Variants in BTBD16 observed in about 807,000 individuals in gnomAD.
BTBD16 encodes the protein BTB/POZ domain-containing protein 16.
Under a neutral mutation model 67.4 loss-of-function variants are expected in BTBD16, and 66 were observed. That is an observed-to-expected ratio of 0.98 (90% CI 0.80 to 1.20). The LOEUF is 1.20. Among genes scored for constraint, BTBD16 ranks in the 50% most tolerant of loss-of-function variants. The pLI is 0.00. For missense variants in BTBD16, 634 were observed against 616.0 expected, an observed-to-expected ratio of 1.03 and a Z score of -0.31; for synonymous variants, 242 against 236.4, an observed-to-expected ratio of 1.02 and a Z score of -0.22.
intron 10 of BTBD16, among the ~76,000 whole-genome samples, chr10:122,309,373 T>C (rs1397603613): frequency 6.6e-6 from 1 of 150,838 alleles, no homozygotes; most frequent in African/African-American, 2.4e-5. Context: ...TGAGAAAGAG[T>C]CTCGCTCTGT....
chr10:122,295,189 TAGA>T (rs1370029861), intron 7 of BTBD16: 27 of 484,540 alleles, frequency 5.6e-5, no homozygotes, highest in Non-Finnish European at 6.7e-5. Context: ...AGGAACCAGG[TAGA>T]AGAAGGAAGG....
chr10:122,273,456 G>C (rs1424291633), intron 1 of BTBD16, among the ~76,000 whole-genome samples: 1 of 152,054 alleles, frequency 6.6e-6, no homozygotes, highest in Non-Finnish European at 1.5e-5. Flanking sequence ...GAAATATTAT[G>C]CGGCCAGAAA....
intron 10 of BTBD16, among the ~76,000 whole-genome samples, chr10:122,325,729 G>T (rs761462912): frequency 1.3e-5 from 2 of 151,516 alleles, no homozygotes; most frequent in African/African-American, 4.9e-5. Flanking sequence ...AGGCTGGAGT[G>T]CAGTAGCATG....
At chr10:122,314,321 T>C (rs929198846) in intron 10 of BTBD16, among the ~76,000 whole-genome samples, 4 of 152,074 alleles carry the variant, frequency 2.6e-5, no homozygotes, top group African/African-American at 4.8e-5. Flanking sequence ...CTGGGCAACA[T>C]AGTGGGACCT....
intron 7 of BTBD16, among the ~76,000 whole-genome samples, chr10:122,296,041 T>C (rs1260400404): frequency 6.6e-6 from 1 of 152,022 alleles, no homozygotes. Context: ...TTTCCTAAGA[T>C]AGGCCATACA....
At chr10:122,279,546 A>ACACACAC (rs10676660) in intron 3 of BTBD16, among the ~76,000 whole-genome samples, 3 of 150,446 alleles carry the variant, frequency 2.0e-5, no homozygotes. Context: ...ACACACACAC[A>ACACACAC]TCTTTTCTTT....
rs1347338300 is a variant in BTBD16 at position 122,334,886 on chromosome 10, T to G, written c.1170T>G (p.Asn390Lys). The change falls in exon 14 of 16, where the codon AAT (asparagine) becomes AAG (lysine). Residue 390 changes from asparagine (N) to lysine (K), a missense_variant. Asn to Lys is a moderately conservative substitution (Grantham distance 94, BLOSUM62 0). Transcript: ENST00000260723. The stretch of plus-strand genomic sequence containing the variant: ...GTTTCTCTTTCCCAATTTAGGAGAA[T>G]ACAACTTATTCGAAAACGATTGCTC... ...VRFGLLFNQE[N>K]TTYSKTIALY... 1 of 1,545,784 alleles carries G rather than the reference T, an allele frequency of 6.5e-7. No homozygotes were observed. The highest frequency in any genetic ancestry group is 8.9e-7 in the Non-Finnish European group (1 of 1,121,904).
chr10:122,274,522 G>T (rs1377555178), intron 1 of BTBD16, among the ~76,000 whole-genome samples: 1 of 152,054 alleles, frequency 6.6e-6, no homozygotes, highest in Admixed American at 6.6e-5. Flanking sequence ...AATCAAATGG[G>T]TTTCTGTTGC....
intron 9 of BTBD16, among the ~76,000 whole-genome samples, chr10:122,305,716 T>G (rs2096402564): frequency 6.6e-6 from 1 of 152,172 alleles, no homozygotes; most frequent in East Asian, 1.9e-4. Flanking sequence ...CTATACATAG[T>G]TTTTCAATCC....
intron 1 of BTBD16, among the ~76,000 whole-genome samples, chr10:122,274,564 G>C (rs1349626612): frequency 1.3e-5 from 2 of 152,200 alleles, no homozygotes; most frequent in Non-Finnish European, 2.9e-5. Flanking sequence ...AATGTTCAGA[G>C]ATAACTGGAA....
In BTBD16 at chr10:122,275,101, T is replaced by A. The variant is rs201539893; in HGVS notation, c.18+2T>A. 3 of 1,613,624 alleles carry A rather than the reference T, an allele frequency of 1.9e-6. No homozygotes were observed. In the African/African-American group the frequency reaches 4.0e-5, roughly 22 times the overall value. On this transcript the variant is annotated splice_donor_variant, in intron 2 of 15. Transcript: ENST00000260723. LOFTEE classifies it high-confidence loss of function. ...TCATTCATGATAATGTCGAACACGG[T>A]GAGTAGATCAGTTTCTCAAGAAGGT...
intron 11 of BTBD16, among the ~76,000 whole-genome samples, chr10:122,330,963 C>T (rs959681188): frequency 6.6e-6 from 1 of 152,114 alleles, no homozygotes; most frequent in East Asian, 1.9e-4. Context: ...AAAAGAGAAT[C>T]GATTTGGAAT....
chr10:122,318,007 A>G (rs560794891), intron 10 of BTBD16, among the ~76,000 whole-genome samples: 1 of 152,344 alleles, frequency 6.6e-6, no homozygotes, highest in African/African-American at 2.4e-5. Context: ...AATTGCATGT[A>G]TTACACTTTT....
intron 10 of BTBD16, among the ~76,000 whole-genome samples, chr10:122,316,977 C>T (rs191681291): frequency 3.3e-5 from 5 of 152,120 alleles, no homozygotes; most frequent in Admixed American, 6.5e-5. Context: ...TTAGTAGAGA[C>T]GGGGTTTCTC....
At chr10:122,308,402 T>C (rs1481303658) in intron 10 of BTBD16, among the ~76,000 whole-genome samples, 3 of 152,176 alleles carry the variant, frequency 2.0e-5, no homozygotes, top group Non-Finnish European at 2.9e-5. Flanking sequence ...CGTTGATTTG[T>C]CCCAGACCTC....
At chr10:122,337,896 G>T in intron 15 of BTBD16, 121 bp from the exon 16 acceptor site, 1 of 735,168 alleles carries the variant, frequency 1.4e-6, no homozygotes, top group Non-Finnish European at 2.3e-6. Context: ...TTATTCTGAT[G>T]TGCAACCATA....
chr10:122,283,876 T>C lies in BTBD16; in HGVS notation c.193T>C (p.Phe65Leu), dbSNP rs2096358029. The C allele has an allele frequency of 1.2e-6, 2 of 1,614,142 alleles. No individual in the cohort carries two copies. The highest frequency in any genetic ancestry group is 8.5e-7 in the Non-Finnish European group (1 of 1,179,984). The change falls in exon 4 of 16, where the codon TTT (phenylalanine) becomes CTT (leucine). Residue 65 changes from phenylalanine (F) to leucine (L), a missense_variant. Phe to Leu is a conservative substitution (Grantham distance 22). Coordinates refer to ENST00000260723, the MANE Select transcript of BTBD16 (RefSeq NM_144587.5). ...GTTATGCATTTCACAAATCCAGAAG[T>C]TTTTCTTTGAGAATTTCAAGAACAA... ...DRLCISQIQK[F>L]FFENFKNKDI...
intron 13 of BTBD16, chr10:122,333,041 G>C (rs2133324479): frequency 2.5e-6 from 2 of 803,830 alleles, no homozygotes; most frequent in Non-Finnish European, 3.0e-6. Flanking sequence ...GTTGGTAGCT[G>C]TGCTCCATGC....
intron 10 of BTBD16, chr10:122,327,430 T>A (rs2096447067): frequency 4.9e-6 from 1 of 205,294 alleles, no homozygotes; most frequent in Non-Finnish European, 8.5e-6. Context: ...TCCCAAACAC[T>A]GTCAGCTTTA....
Sources: allele counts gnomAD v4.1 joint callset (sites outside exome capture counted in the v4.1 genomes callset), GRCh38; gene constraint gnomAD v4.1.1; transcripts MANE v1.5; gene names NCBI Gene and HGNC (gene_info 2026-07-23, HGNC 2026-07-21).